HEATR4: variants seen among roughly 807,000 people sequenced by gnomAD.
The protein encoded by HEATR4 is HEAT repeat containing 4.
A neutral mutation model predicts 108.8 loss-of-function variants in HEATR4; 95 were observed. The ratio of observed to expected loss-of-function variants is 0.87; its 90% CI spans 0.74 to 1.04. The LOEUF (loss-of-function observed/expected upper bound fraction) is 1.04, where lower values mean the gene tolerates loss of function less well. HEATR4 is among the 50% of genes least tolerant of loss of function. HEATR4 has a pLI of 0.00. For missense variants in HEATR4, 1,152 were observed against 1,253.8 expected (o/e 0.92, Z 1.23); for synonymous variants, 443 against 459.4 (o/e 0.96, Z 0.46).
At chr14:73,570,374 CCTGA>C in the HEATR4 span, among the ~76,000 whole-genome samples, 81 of 151,908 alleles carry the variant, frequency 5.3e-4, no homozygotes, top group South Asian at 3.1e-3. Context: ...TTGAGGCCAT[CCTGA>C]CTAACACGGT....
At chr14:73,510,560 C>T (rs1467559596) in intron 7 of HEATR4, among the ~76,000 whole-genome samples, 2 of 152,008 alleles carry the variant, frequency 1.3e-5, no homozygotes, top group African/African-American at 2.4e-5. Context: ...CTCAGCCTTC[C>T]GAGTATCTGG....
At chr14:73,607,049 C>T in the HEATR4 span, among the ~76,000 whole-genome samples, 2 of 152,256 alleles carry the variant, frequency 1.3e-5, no homozygotes, top group East Asian at 1.9e-4. Context: ...CTGTGGCTCA[C>T]GCCTGTAATC....
At chr14:73,612,669 C>T in the HEATR4 span, 2 of 1,413,434 alleles carry the variant, frequency 1.4e-6, no homozygotes, top group East Asian at 3.0e-5. Context: ...CAGCCAGTCA[C>T]GCTGCGCACG....
the HEATR4 span, chr14:73,611,438 G>C: frequency 6.6e-6 from 1 of 152,192 alleles, no homozygotes; most frequent in Non-Finnish European, 1.5e-5. Context: ...ACCGAATCTT[G>C]TTTCATTGTT....
At chr14:73,582,919 A>C in the HEATR4 span, 6 of 152,044 alleles carry the variant, frequency 3.9e-5, no homozygotes, top group Non-Finnish European at 8.8e-5. Context: ...TCTATGCTGC[A>C]CTTCTTTCGC....
chr14:73,522,159 C>T (rs939452668), intron 3 of HEATR4, 113 bp downstream of exon 3: 2 of 1,105,694 alleles, frequency 1.8e-6, no homozygotes, highest in Non-Finnish European at 2.6e-6. Flanking sequence ...TGGTGGAGAA[C>T]ATGAAGTTGA....
intron 17 of HEATR4, among the ~76,000 whole-genome samples, chr14:73,489,371 G>A (rs535411920): frequency 1.3e-5 from 2 of 152,314 alleles, no homozygotes; most frequent in East Asian, 3.9e-4. Context: ...GCCTTGGCAA[G>A]TGTTTGGATA....
the HEATR4 span, chr14:73,619,560 G>T: frequency 6.2e-7 from 1 of 1,614,204 alleles, no homozygotes; most frequent in Non-Finnish European, 8.5e-7. Context: ...ATCAAAGCTG[G>T]AAGAGTGAAT....
In HEATR4 at chr14:73,522,622, C is replaced by G; in HGVS notation, c.531G>C (p.Arg177=). Residue 177 remains arginine (R), a synonymous_variant, in exon 3 of 18, where the codon CGG becomes CGC. Coordinates refer to ENST00000553558, the MANE Select transcript of HEATR4 (RefSeq NM_001220484.1). ...CCAGGTTCACATCTAGAGAAGGTGG[C>G]CGACCCAGCATATCTGGATGCATGC... ...HPCMHPDMLG[R]PPSLDVNLEE... is the part of the protein sequence containing the mutation. The G allele has an allele frequency of 6.2e-7, 1 of 1,614,214 alleles. No individual in the cohort carries two copies.
chr14:73,578,145 C>T, the HEATR4 span, among the ~76,000 whole-genome samples: 1 of 151,728 alleles, frequency 6.6e-6, no homozygotes, highest in African/African-American at 2.4e-5. Context: ...GCCACCGCCC[C>T]TGGCAAAAAA....
chr14:73,514,742 CAG>C (rs747997031), intron 5 of HEATR4, among the ~76,000 whole-genome samples: 8 of 152,100 alleles, frequency 5.3e-5, no homozygotes, highest in Non-Finnish European at 1.0e-4. Flanking sequence ...AATTTGAGAA[CAG>C]AAGAAGCCGT....
In HEATR4 at chr14:73,509,342, G is replaced by T; in HGVS notation, c.1690C>A (p.Arg564=). 6.2e-7 allele frequency: 1 copy of T among 1,614,088 alleles called. No individual in the cohort carries two copies. The highest frequency in any genetic ancestry group is 8.5e-7 in the Non-Finnish European group (1 of 1,179,990). Residue 564 remains arginine, a synonymous_variant, in exon 8 of 18, where the codon CGG becomes AGG. Transcript: ENST00000553558. Reference sequence around the variant, plus strand: ...AGAAGGGCAGTCTGCATGATGTTCCGGGCAAGGGGATTATGTGACTGTATG... The same window carrying T: ...AGAAGGGCAGTCTGCATGATGTTCCTGGCAAGGGGATTATGTGACTGTATG... ...YAIQSHNPLA[R]NIMQTALLKG...
At chr14:73,615,535 A>T in the HEATR4 span, among the ~76,000 whole-genome samples, 1 of 152,000 alleles carries the variant, frequency 6.6e-6, no homozygotes, top group South Asian at 2.1e-4. Flanking sequence ...GTTTGAGACC[A>T]GCCTCACCAA....
At chr14:73,513,474 A>G (rs1349877071) in intron 6 of HEATR4, among the ~76,000 whole-genome samples, 1 of 149,024 alleles carries the variant, frequency 6.7e-6, no homozygotes, top group African/African-American at 2.5e-5. Flanking sequence ...AAAAGAAAAA[A>G]GGGCTGGCGC....
the HEATR4 span, among the ~76,000 whole-genome samples, chr14:73,589,163 G>A: frequency 4.6e-5 from 7 of 152,082 alleles, 1 homozygote; most frequent in Admixed American, 3.3e-4. Context: ...AATGTATAAT[G>A]ACATGTATCC....
chr14:73,585,403 G>A, the HEATR4 span, among the ~76,000 whole-genome samples: 2 of 151,766 alleles, frequency 1.3e-5, no homozygotes, highest in Non-Finnish European at 1.5e-5. Context: ...ATCGCATTGA[G>A]GCTGGGCATG....
chr14:73,571,329 C>T, the HEATR4 span: 1 of 163,926 alleles, frequency 6.1e-6, no homozygotes, highest in East Asian at 1.8e-4. Flanking sequence ...GGATAATTCA[C>T]TCCACAAGCT....
At chr14:73,518,890 A>C in intron 5 of HEATR4, 133 bp downstream of exon 5, 1 of 777,936 alleles carries the variant, frequency 1.3e-6, no homozygotes. Flanking sequence ...GTACGTAGAA[A>C]GGGGATTGCC....
At chr14:73,624,369 T>C in the HEATR4 span, among the ~76,000 whole-genome samples, 4 of 151,904 alleles carry the variant, frequency 2.6e-5, no homozygotes, top group Admixed American at 6.6e-5. Context: ...CCTCAGGTGA[T>C]CCACCTGCCT....
Sources: gnomAD v4.1 joint callset for allele counts (sites outside exome capture counted in the v4.1 genomes callset) on GRCh38, gnomAD v4.1.1 for gene constraint, MANE v1.5 for transcripts, NCBI Gene and HGNC (gene_info 2026-07-23, HGNC 2026-07-21) for gene names.